The following GRM1 variants were observed in gnomAD, a reference collection of about 807,000 sequenced individuals.
GRM1 encodes metabotropic glutamate receptor 1.
In GRM1, 33 loss-of-function variants were observed where a neutral mutation model predicts 90.9. That is an observed-to-expected ratio of 0.36 (90% CI 0.28 to 0.49). The LOEUF is 0.49. Among genes scored for constraint, GRM1 ranks in the 20% least tolerant of loss-of-function variants. The pLI is 0.99. For missense variants in GRM1, 1,190 were observed against 1,534.3 expected, an observed-to-expected ratio of 0.78 and a Z score of 3.75; for synonymous variants, 700 against 613.2, an observed-to-expected ratio of 1.14 and a Z score of -2.09.
intron 1 of GRM1, among the ~76,000 whole-genome samples, chr6:146,108,616 A>G (rs1404159284): frequency 6.6e-6 from 1 of 152,170 alleles, no homozygotes; most frequent in Non-Finnish European, 1.5e-5. Context: ...AATACAGTAA[A>G]TTGGTACCAG....
chr6:146,062,168 A>G (rs1414505076), intron 1 of GRM1, among the ~76,000 whole-genome samples: 1 of 152,202 alleles, frequency 6.6e-6, no homozygotes, highest in East Asian at 1.9e-4. Flanking sequence ...CAGCCACAAA[A>G]AGGGATGAGT....
intron 1 of GRM1, among the ~76,000 whole-genome samples, chr6:146,093,231 T>C (rs1473019063): frequency 6.6e-6 from 1 of 152,138 alleles, no homozygotes; most frequent in Non-Finnish European, 1.5e-5. Flanking sequence ...TGTCACTAAA[T>C]AACTATGTAA....
chr6:146,075,525 A>G (rs1335395372), intron 1 of GRM1, among the ~76,000 whole-genome samples: 2 of 152,238 alleles, frequency 1.3e-5, no homozygotes, highest in Non-Finnish European at 2.9e-5. Flanking sequence ...TTTAAGTAAA[A>G]TGGTGAAGAT....
At chr6:146,134,506 T>G (rs1277849049) in intron 1 of GRM1, among the ~76,000 whole-genome samples, 3 of 152,096 alleles carry the variant, frequency 2.0e-5, no homozygotes, top group African/African-American at 4.8e-5. Flanking sequence ...CTCAGGAAAC[T>G]TACAATCATG....
intron 2 of GRM1, among the ~76,000 whole-genome samples, chr6:146,295,390 ATTT>A (rs11309395): frequency 6.8e-6 from 1 of 146,260 alleles, no homozygotes; most frequent in African/African-American, 2.5e-5. Context: ...TGCCCGGCTA[ATTT>A]TTTTTTTTTT....
intron 6 of GRM1, among the ~76,000 whole-genome samples, chr6:146,392,325 A>G (rs1400450223): frequency 6.6e-6 from 1 of 152,098 alleles, no homozygotes; most frequent in Non-Finnish European, 1.5e-5. Flanking sequence ...ATAAGAACCT[A>G]GAGAGCTTGC....
intron 2 of GRM1, among the ~76,000 whole-genome samples, chr6:146,239,910 C>T (rs1022714010): frequency 1.3e-5 from 2 of 152,066 alleles, no homozygotes; most frequent in East Asian, 1.9e-4. Flanking sequence ...AGAAAATGGC[C>T]GCAGAGGAGT....
At chr6:146,387,153 G>C in intron 6 of GRM1, 137 bp downstream of exon 6, 1 of 851,626 alleles carries the variant, frequency 1.2e-6, no homozygotes, top group Non-Finnish European at 2.0e-6. Flanking sequence ...TCATGTCAAG[G>C]AGTATACATA....
At position 146,079,307 on chromosome 6, in the gene GRM1, C is replaced by T. The variant is rs533629790; in HGVS notation, c.700+49090C>T. On this transcript the variant is annotated intron_variant, in intron 1 of 7. Coordinates refer to ENST00000282753, the MANE Select transcript of GRM1 (RefSeq NM_001278064.2). Reference sequence around the variant, plus strand: ...AAAGGCAACATTCCATTCAGCACCTCGGATGTGTGATATGTGAGATCCAGC... The same window carrying T: ...AAAGGCAACATTCCATTCAGCACCTTGGATGTGTGATATGTGAGATCCAGC... Among the ~76,000 whole-genome samples the T allele has an allele frequency of 9.9e-5, 15 of 152,212 alleles. No individual in the cohort carries two copies. The South Asian group carries it at 1.9e-3, about 19-fold the overall frequency.
intron 7 of GRM1, among the ~76,000 whole-genome samples, chr6:146,410,725 AT>A (rs1448659976): frequency 6.6e-6 from 1 of 152,176 alleles, no homozygotes; most frequent in Non-Finnish European, 1.5e-5. Context: ...CAGAGAGCGT[AT>A]TCTAGGCAGA....
chr6:146,297,012 T>C (rs1342612506), intron 2 of GRM1, among the ~76,000 whole-genome samples: 11 of 152,246 alleles, frequency 7.2e-5, no homozygotes, highest in Admixed American at 7.2e-4. Context: ...CATTCCCTGA[T>C]GCATATCATT....
Position 146,030,081 on chromosome 6 carries a change from A to G in GRM1, c.564A>G (p.Thr188=). The G allele has an allele frequency of 1.2e-6, 2 of 1,614,178 alleles. No homozygotes were observed. The highest frequency in any genetic ancestry group is 1.7e-6 in the Non-Finnish European group (2 of 1,180,020). Residue 188 remains threonine, a synonymous_variant, in exon 1 of 8, where the codon ACA becomes ACG. Transcript: ENST00000282753. ...FDIPQIAYSA[T]SIDLSDKTLY... Reference sequence around the variant, plus strand: ...TCCCCCAGATCGCTTATTCAGCCACAAGCATCGACCTGAGTGACAAAACTT... The same window carrying G: ...TCCCCCAGATCGCTTATTCAGCCACGAGCATCGACCTGAGTGACAAAACTT...
In GRM1 at chr6:146,110,358, T is replaced by C. The variant is rs147229880; in HGVS notation, c.701-48990T>C. On this transcript the variant is annotated intron_variant, in intron 1 of 7. Coordinates refer to ENST00000282753, the MANE Select transcript of GRM1 (RefSeq NM_001278064.2). Reference sequence around the variant, plus strand: ...GATCTCATAGTTTTAAAAATGGGAGTCTCCCTGCACAAGCTCTCTTCTCTT... The same window carrying C: ...GATCTCATAGTTTTAAAAATGGGAGCCTCCCTGCACAAGCTCTCTTCTCTT... 1.5e-3 allele frequency among the ~76,000 whole-genome samples: 231 copies of C among 151,710 alleles called. 4 individuals carry two copies. In the East Asian group the frequency reaches 0.043, roughly 28 times the overall value.
intron 2 of GRM1, among the ~76,000 whole-genome samples, chr6:146,293,500 C>G (rs923741932): frequency 6.6e-6 from 1 of 151,888 alleles, no homozygotes; most frequent in African/African-American, 2.4e-5. Context: ...TTTATACCTT[C>G]CTTAATTTGA....
chr6:146,218,814 A>G (rs1779959297), intron 2 of GRM1, among the ~76,000 whole-genome samples: 1 of 152,186 alleles, frequency 6.6e-6, no homozygotes, highest in Non-Finnish European at 1.5e-5. Flanking sequence ...TACAAGGGAA[A>G]CCGAGAAGAG....
chr6:146,301,835 TG>T (rs1583295705), intron 2 of GRM1, among the ~76,000 whole-genome samples: 2 of 152,212 alleles, frequency 1.3e-5, no homozygotes, highest in East Asian at 3.9e-4. Context: ...ACTGGACATA[TG>T]AAAAAAATGA....
chr6:146,278,508 G>C (rs949695954), intron 2 of GRM1, among the ~76,000 whole-genome samples: 3 of 152,176 alleles, frequency 2.0e-5, no homozygotes, highest in African/African-American at 7.2e-5. Context: ...GGGCGTGATA[G>C]CTCACTCCTG....
At chr6:146,349,044 C>CTATTATTATTATTATTAT (rs71028388) in intron 3 of GRM1, among the ~76,000 whole-genome samples, 19 of 141,524 alleles carry the variant, frequency 1.3e-4, no homozygotes, top group South Asian at 4.7e-4. Flanking sequence ...GAAGTGGTAG[C>CTATTATTATTATTATTAT]TATTATTATT....
intron 1 of GRM1, among the ~76,000 whole-genome samples, chr6:146,080,467 G>T (rs1279982160): frequency 6.6e-6 from 1 of 152,094 alleles, no homozygotes; most frequent in Non-Finnish European, 1.5e-5. Flanking sequence ...CACAGGGAGA[G>T]CCAGTTCTTC....
Sources: allele counts gnomAD v4.1 joint callset (sites outside exome capture counted in the v4.1 genomes callset), GRCh38; gene constraint gnomAD v4.1.1; transcripts MANE v1.5; gene names NCBI Gene and HGNC (gene_info 2026-07-23, HGNC 2026-07-21).